The following CD160 variants were observed in gnomAD, a reference collection of about 807,000 sequenced individuals.
The protein encoded by CD160 is CD160 antigen.
In CD160, 11 loss-of-function variants were observed where a neutral mutation model predicts 19.2. The ratio of observed to expected loss-of-function variants is 0.57; its 90% CI spans 0.36 to 0.95. CD160 has a LOEUF of 0.95. Among genes scored for constraint, CD160 ranks in the 40% least tolerant of loss-of-function variants. The pLI is 0.01. For missense variants in CD160, 182 were observed against 213.2 expected, an observed-to-expected ratio of 0.85 and a Z score of 0.91; for synonymous variants, 75 against 81.1, an observed-to-expected ratio of 0.93 and a Z score of 0.40.
chr1:145,736,220 G>T (rs1436259946), intron 5 of CD160, 86 bp downstream of exon 5: 2 of 1,598,116 alleles, frequency 1.3e-6, no homozygotes, highest in African/African-American at 2.7e-5. Flanking sequence ...GGAGGAGAAG[G>T]TTGGAAAGGA....
At chr1:145,725,618 T>C (rs770662437) in intron 2 of CD160, among the ~76,000 whole-genome samples, 16 of 152,070 alleles carry the variant, frequency 1.1e-4, no homozygotes, top group South Asian at 4.1e-4. Flanking sequence ...AATAAAACAT[T>C]CACATCCATC....
chr1:145,726,879 T>G (rs1185163957), intron 2 of CD160, among the ~76,000 whole-genome samples: 2 of 152,134 alleles, frequency 1.3e-5, no homozygotes, highest in African/African-American at 4.8e-5. Flanking sequence ...GAAAAATGAA[T>G]ATCACATTCT....
At chr1:145,725,246 C>T (rs186602107) in intron 2 of CD160, among the ~76,000 whole-genome samples, 3 of 151,646 alleles carry the variant, frequency 2.0e-5, no homozygotes, top group Admixed American at 2.0e-4. Context: ...GGTGAAACCC[C>T]GTCTCTACTA....
intron 1 of CD160, among the ~76,000 whole-genome samples, chr1:145,721,983 C>G (rs925393143): frequency 6.6e-6 from 1 of 152,174 alleles, no homozygotes; most frequent in Non-Finnish European, 1.5e-5. Flanking sequence ...GAGAAAGACT[C>G]TCATAACTTG....
intron 4 of CD160, among the ~76,000 whole-genome samples, chr1:145,735,086 G>A (rs782756450): frequency 3.9e-5 from 6 of 152,024 alleles, no homozygotes; most frequent in Admixed American, 2.6e-4. Context: ...GAGCCTGGGC[G>A]ACAGAGCCAG....
intron 5 of CD160, 27 bp from the exon 6 acceptor site, chr1:145,738,459 G>T: frequency 1.5e-6 from 2 of 1,316,476 alleles, no homozygotes; most frequent in South Asian, 3.0e-5. Context: ...AAGTTATAAG[G>T]CAGTAATACA....
rs1474450920 is a variant in CD160, at chr1:145,719,548, T to G, written c.-190T>G. On this transcript the variant is annotated 5_prime_UTR_variant, in exon 1 of 6. Transcript: ENST00000369288. ...CAGTCTGAGAACAAGAAAGAAGAAC[T>G]TCTGTCTCGAGGTAAAAAGGCCTGC... is the stretch of plus-strand genomic sequence containing the variant. 1 of 152,408 alleles carries G rather than the reference T, an allele frequency of 6.6e-6. No homozygotes were observed. The highest frequency in any genetic ancestry group is 2.4e-5 in the African/African-American group (1 of 41,466). 9.4% of individuals were successfully genotyped at this position (152,408 alleles called of 1,614,324 possible).
intron 4 of CD160, among the ~76,000 whole-genome samples, chr1:145,734,208 C>G (rs1164582115): frequency 6.6e-6 from 1 of 152,142 alleles, no homozygotes; most frequent in Admixed American, 6.5e-5. Flanking sequence ...TTCCTATAGT[C>G]TCCTAACTAG....
intron 3 of CD160, among the ~76,000 whole-genome samples, chr1:145,729,229 T>C (rs935943301): frequency 2.6e-5 from 4 of 152,292 alleles, no homozygotes; most frequent in East Asian, 1.9e-4. Flanking sequence ...CTTACTCTTG[T>C]AGGAGAATGG....
At chr1:145,731,958 G>T (rs74640862) in intron 4 of CD160, among the ~76,000 whole-genome samples, 3,543 of 152,226 alleles carry the variant, frequency 0.023, 154 homozygotes, top group African/African-American at 0.081. Flanking sequence ...AACAGTTACC[G>T]TTTCAAACTG....
intron 4 of CD160, among the ~76,000 whole-genome samples, chr1:145,731,319 C>A (rs1050388797): frequency 6.6e-6 from 1 of 152,132 alleles, no homozygotes; most frequent in Non-Finnish European, 1.5e-5. Flanking sequence ...GATGGTGACA[C>A]AGGGGTTGAA....
intron 5 of CD160, 137 bp downstream of exon 5, chr1:145,736,271 T>C: frequency 6.4e-7 from 1 of 1,557,416 alleles, no homozygotes; most frequent in Non-Finnish European, 8.7e-7. Flanking sequence ...GCCCTGGCTA[T>C]CCACAGGAAA....
intron 2 of CD160, among the ~76,000 whole-genome samples, chr1:145,726,142 G>A (rs1356923560): frequency 6.6e-6 from 1 of 152,186 alleles, no homozygotes; most frequent in African/African-American, 2.4e-5. Context: ...TGATGGGAGT[G>A]TAAATTAGTT....
chr1:145,720,106 A>G (rs1199448998), intron 1 of CD160, among the ~76,000 whole-genome samples: 1 of 152,262 alleles, frequency 6.6e-6, no homozygotes, highest in Non-Finnish European at 1.5e-5. Flanking sequence ...ATTTGCCATC[A>G]ATAGAAAACA....
chr1:145,723,859 T>A (rs1553708098), intron 1 of CD160, among the ~76,000 whole-genome samples: 1 of 152,148 alleles, frequency 6.6e-6, no homozygotes, highest in African/African-American at 2.4e-5. Flanking sequence ...ATTACAGGTG[T>A]GAGCCACCAC....
chr1:145,721,037 G>T (rs587769198), intron 1 of CD160, among the ~76,000 whole-genome samples: 1 of 152,284 alleles, frequency 6.6e-6, no homozygotes, highest in Non-Finnish European at 1.5e-5. Flanking sequence ...CCCGCGCTGG[G>T]GCTCACAACG....
intron 4 of CD160, among the ~76,000 whole-genome samples, chr1:145,735,626 C>T (rs1657454518): frequency 6.6e-6 from 1 of 152,016 alleles, no homozygotes; most frequent in Non-Finnish European, 1.5e-5. Context: ...AAAAAAAACC[C>T]AGATCTATTC....
At chr1:145,729,908 C>T (rs1190059338) in intron 3 of CD160, among the ~76,000 whole-genome samples, 1 of 152,216 alleles carries the variant, frequency 6.6e-6, no homozygotes, top group Non-Finnish European at 1.5e-5. Flanking sequence ...AGCTCCAGCA[C>T]TAACTTCACT....
chr1:145,735,836 ACAT>A (rs1189182533), intron 4 of CD160, among the ~76,000 whole-genome samples, 158 bp from the exon 5 acceptor site: 4 of 152,212 alleles, frequency 2.6e-5, no homozygotes, highest in Non-Finnish European at 5.9e-5. Context: ...CTGCCTAAGT[ACAT>A]CATCATTACC....
Sources: allele counts gnomAD v4.1 joint callset (sites outside exome capture counted in the v4.1 genomes callset), GRCh38; gene constraint gnomAD v4.1.1; transcripts MANE v1.5; gene names NCBI Gene and HGNC (gene_info 2026-07-23, HGNC 2026-07-21).